Variants in HERC4 observed in about 807,000 individuals in gnomAD.
HERC4 encodes probable E3 ubiquitin-protein ligase HERC4.
In HERC4, 28 loss-of-function variants were observed where a neutral mutation model predicts 124.3. The observed-to-expected ratio is 0.23, with a 90% CI of 0.17 to 0.31. The LOEUF (loss-of-function observed/expected upper bound fraction) is 0.31, where lower values mean the gene tolerates loss of function less well. HERC4 is among the 10% of genes least tolerant of loss of function. The probability of loss-of-function intolerance (pLI) is 1.00; values close to 1 mark genes in which losing one functional copy is unlikely to be tolerated. For missense variants in HERC4, 713 were observed against 1,229.3 expected (o/e 0.58, Z 6.28); for synonymous variants, 407 against 421.5 (o/e 0.97, Z 0.42).
intron 7 of HERC4, 145 bp downstream of exon 7, chr10:68,032,630 GAAT>G: frequency 3.6e-6 from 2 of 547,954 alleles, no homozygotes; most frequent in Non-Finnish European, 6.6e-6. Context: ...TTTTTTTCAA[GAAT>G]AATCTAAGTC....
rs377390860 is a variant in HERC4, at chr10:67,984,523, G to C, written c.1806+4140C>G. Reference sequence around the variant, plus strand: ...AGGGTAGTGGGGAGGCAGGGGCATGGGTGAGGTTGGGATGGCTAATAGATA... The same window carrying C: ...AGGGTAGTGGGGAGGCAGGGGCATGCGTGAGGTTGGGATGGCTAATAGATA... On this transcript the variant is annotated intron_variant, in intron 15 of 24. Coordinates refer to ENST00000373700, the MANE Select transcript of HERC4 (RefSeq NM_015601.4). Among the ~76,000 whole-genome samples the C allele has an allele frequency of 1.4e-4, 22 of 152,074 alleles. No individual in the cohort carries two copies. In the South Asian group the frequency reaches 4.6e-3, roughly 32 times the overall value.
intron 9 of HERC4, among the ~76,000 whole-genome samples, chr10:68,011,198 G>A (rs568165472): frequency 6.6e-6 from 1 of 152,262 alleles, no homozygotes; most frequent in African/African-American, 2.4e-5. Flanking sequence ...CAAGTAGCAT[G>A]TGCCACCACA....
chr10:67,966,648 T>C, intron 16 of HERC4, 35 bp downstream of exon 16: 1 of 1,589,988 alleles, frequency 6.3e-7, no homozygotes, highest in South Asian at 1.2e-5. Context: ...TACATATACA[T>C]AAAAATGAAA....
At chr10:67,957,812 A>T (rs114039822) in intron 16 of HERC4, among the ~76,000 whole-genome samples, 17 of 151,284 alleles carry the variant, frequency 1.1e-4, no homozygotes, top group African/African-American at 3.9e-4. Context: ...CTGAATCTGC[A>T]TTTTTTTTTC....
chr10:68,024,453 G>A (rs889511470), intron 8 of HERC4, among the ~76,000 whole-genome samples: 3 of 152,016 alleles, frequency 2.0e-5, no homozygotes, highest in African/African-American at 7.2e-5. Context: ...TAATAAAAGT[G>A]CAAAGCAACA....
At chr10:68,011,318 CA>C (rs1429606794) in intron 9 of HERC4, among the ~76,000 whole-genome samples, 4 of 152,218 alleles carry the variant, frequency 2.6e-5, no homozygotes, top group African/African-American at 4.8e-5. Context: ...ATGTTCTTAA[CA>C]GTAACTGGAA....
At chr10:68,054,350 A>ATTT (rs758802746) in intron 3 of HERC4, among the ~76,000 whole-genome samples, 1 of 132,672 alleles carries the variant, frequency 7.5e-6, no homozygotes, top group Admixed American at 7.6e-5. Flanking sequence ...GTATTTAATG[A>ATTT]TTTTTTTTTT....
chr10:68,072,243 C>T (rs960002170), intron 3 of HERC4, among the ~76,000 whole-genome samples: 1 of 151,948 alleles, frequency 6.6e-6, no homozygotes, highest in African/African-American at 2.4e-5. Flanking sequence ...GAAATGTGAC[C>T]AAATTCCTCA....
chr10:67,988,495 C>T (rs935543887), intron 15 of HERC4, among the ~76,000 whole-genome samples, 168 bp downstream of exon 15: 8 of 152,014 alleles, frequency 5.3e-5, no homozygotes, highest in African/African-American at 1.9e-4. Flanking sequence ...CTCCAAAGGA[C>T]AGGTTTATTA....
intron 4 of HERC4, chr10:68,039,276 A>G: frequency 8.9e-7 from 1 of 1,128,434 alleles, no homozygotes; most frequent in Non-Finnish European, 1.2e-6. Flanking sequence ...AGATCACACC[A>G]TCGCACTCCA....
rs762067289 is a variant in HERC4 at position 67,941,117 on chromosome 10, A to T, written c.2338-12T>A. 6 of 1,511,732 alleles carry T rather than the reference A, an allele frequency of 4.0e-6. No individual in the cohort carries two copies. Among genetic ancestry groups the T allele is most frequent in the Non-Finnish European group, 5.3e-6 (6 of 1,131,152 alleles). 93.6% of individuals were successfully genotyped at this position (1,511,732 alleles called of 1,614,324 possible). A position where few individuals can be genotyped will look rare whatever the true frequency, so the allele number is the denominator to read the frequency against. On this transcript the variant is annotated splice_polypyrimidine_tract_variant and intron_variant, in intron 19 of 24. Coordinates refer to ENST00000373700, the MANE Select transcript of HERC4 (RefSeq NM_015601.4). ...CTGTCTTCAAATGTCTAAAAATATA[A>T]GAAAAAGTAAACACATGTCCTCCAA...
At chr10:67,992,030 C>G (rs1300693884) in intron 11 of HERC4, among the ~76,000 whole-genome samples, 169 bp downstream of exon 11, 5 of 152,136 alleles carry the variant, frequency 3.3e-5, no homozygotes, top group African/African-American at 1.2e-4. Context: ...TCCCAAGTAG[C>G]TGAGACCACA....
chr10:67,946,224 G>C (rs1224909497), intron 19 of HERC4, among the ~76,000 whole-genome samples: 2 of 151,386 alleles, frequency 1.3e-5, no homozygotes, highest in Non-Finnish European at 2.9e-5. Flanking sequence ...TTCTAGCCTG[G>C]GTGACAGAGC....
At chr10:67,935,456 A>G (rs907567486) in intron 22 of HERC4, among the ~76,000 whole-genome samples, 33 of 152,056 alleles carry the variant, frequency 2.2e-4, no homozygotes, top group African/African-American at 7.7e-4. Context: ...ATGGATTTAC[A>G]TTTTAAATGT....
chr10:67,956,839 A>C lies in HERC4; in HGVS notation c.2025+39T>G, dbSNP rs1231467913. On this transcript the variant is annotated intron_variant, in intron 17 of 24. Transcript: ENST00000373700. Reference sequence around the variant, plus strand: ...ATTTACTGTCCAGAAACATCAAAGAAACAATTAAAAAAAAAAACCCTCTCA... The same window carrying C: ...ATTTACTGTCCAGAAACATCAAAGACACAATTAAAAAAAAAAACCCTCTCA... The C allele has an allele frequency of 4.6e-6, 6 of 1,301,526 alleles. No homozygotes were observed. In the African/African-American group the frequency reaches 6.0e-5, roughly 13 times the overall value. 80.6% of individuals were successfully genotyped at this position (1,301,526 alleles called of 1,614,324 possible).
At chr10:67,956,710 T>C (rs2034163226) in intron 17 of HERC4, 168 bp downstream of exon 17, 1 of 399,506 alleles carries the variant, frequency 2.5e-6, no homozygotes, top group Admixed American at 4.1e-5. Flanking sequence ...CCTTTTTTTA[T>C]AAATGTTCTC....
In HERC4 at chr10:68,008,791, T is replaced by C. The variant is rs146436856; in HGVS notation, c.1069+5235A>G. On this transcript the variant is annotated intron_variant, in intron 9 of 24. Coordinates refer to ENST00000373700, the MANE Select transcript of HERC4 (RefSeq NM_015601.4). ...GAAACAACCCAATCGTCCACTGATATATGAATAGATAAACAAAATGTGGTA... is the reference window on the plus strand; with the variant it reads ...GAAACAACCCAATCGTCCACTGATACATGAATAGATAAACAAAATGTGGTA... 4.9e-4 allele frequency among the ~76,000 whole-genome samples: 75 copies of C among 152,312 alleles called. 1 individual carries two copies. The highest frequency in any genetic ancestry group is 1.2e-3 in the South Asian group (6 of 4,826).
intron 9 of HERC4, among the ~76,000 whole-genome samples, chr10:68,004,226 G>A (rs958115726): frequency 9.2e-5 from 14 of 152,108 alleles, no homozygotes; most frequent in East Asian, 5.8e-4. Flanking sequence ...AGGAACAACC[G>A]AGTTGTTGAG....
chr10:68,053,494 T>G (rs985577651), intron 3 of HERC4, among the ~76,000 whole-genome samples: 4 of 152,004 alleles, frequency 2.6e-5, no homozygotes, highest in Admixed American at 2.0e-4. Flanking sequence ...TGTAGAGATG[T>G]GGTCTCCCTA....
Sources: gnomAD v4.1 joint callset for allele counts (sites outside exome capture counted in the v4.1 genomes callset) on GRCh38, gnomAD v4.1.1 for gene constraint, MANE v1.5 for transcripts, NCBI Gene and HGNC (gene_info 2026-07-23, HGNC 2026-07-21) for gene names.